Variants in DHX36 observed in about 807,000 individuals in gnomAD.
DHX36 encodes ATP-dependent DNA/RNA helicase DHX36.
DHX36 carries 50 observed loss-of-function variants against 139.0 expected under a neutral mutation model. The observed-to-expected ratio is 0.36, with a 90% CI of 0.29 to 0.46. The LOEUF (loss-of-function observed/expected upper bound fraction) is 0.46, where lower values mean the gene tolerates loss of function less well. DHX36 is among the 20% of genes least tolerant of loss of function. The pLI, the probability that DHX36 is intolerant of heterozygous loss-of-function variation, is 1.00. For synonymous variants in DHX36, 425 were observed against 401.9 expected (o/e 1.06, Z -0.69); for missense variants, 1,024 against 1,211.3 (o/e 0.85, Z 2.29).
chr3:154,315,295 T>A lies in DHX36; in HGVS notation c.369-15A>T. 1 of 1,587,920 alleles carries A rather than the reference T, an allele frequency of 6.3e-7. No homozygotes were observed. Among genetic ancestry groups the A allele is most frequent in the African/African-American group, 1.4e-5 (1 of 73,826 alleles). The stretch of plus-strand genomic sequence containing the variant: ...CAGTACCGTATCTGTTTTGACAAAA[T>A]AAGAAAGGAAGAAAGGTCAGATGAG... On this transcript the variant is annotated splice_polypyrimidine_tract_variant and intron_variant, in intron 2 of 24. Transcript: ENST00000496811.
At chr3:154,311,581 A>T (rs1202765813) in intron 4 of DHX36, 55 bp downstream of exon 4, 1 of 1,480,892 alleles carries the variant, frequency 6.8e-7, no homozygotes, top group Admixed American at 2.1e-5. Context: ...AGCTTTAAAA[A>T]AAATTGTGTA....
intron 4 of DHX36, among the ~76,000 whole-genome samples, 163 bp downstream of exon 4, chr3:154,311,472 CT>C (rs751757327): frequency 2.0e-4 from 31 of 151,664 alleles, no homozygotes; most frequent in Admixed American, 5.9e-4. Flanking sequence ...GTTTATGAAC[CT>C]TTTTTTTCTT....
At chr3:154,283,561 A>G (rs758372172) in intron 19 of DHX36, among the ~76,000 whole-genome samples, 3 of 152,130 alleles carry the variant, frequency 2.0e-5, no homozygotes, top group Non-Finnish European at 4.4e-5. Flanking sequence ...TACATAATAC[A>G]CTAATCAAAA....
chr3:154,276,712 A>C, intron 24 of DHX36, 35 bp downstream of exon 24: 1 of 1,601,784 alleles, frequency 6.2e-7, no homozygotes, highest in Non-Finnish European at 8.5e-7. Context: ...GCTGACTTAC[A>C]TGTAGATTTA....
At chr3:154,303,510 T>A in intron 8 of DHX36, 100 bp from the exon 9 acceptor site, 1 of 845,172 alleles carries the variant, frequency 1.2e-6, no homozygotes, top group Non-Finnish European at 1.8e-6. Context: ...TACTATTAAT[T>A]CCAGAAAATG....
At position 154,315,414 on chromosome 3, in the gene DHX36, C is replaced by T. The variant is rs571669222; in HGVS notation, c.369-134G>A. 3.4e-5 allele frequency: 19 copies of T among 563,298 alleles called. No homozygotes were observed. In the South Asian group the frequency reaches 5.4e-4, roughly 16 times the overall value. The allele number at this position is 563,298 out of a possible 1,614,324, so 34.9% of individuals were successfully genotyped here. On this transcript the variant is annotated intron_variant, in intron 2 of 24. Coordinates refer to ENST00000496811, the MANE Select transcript of DHX36 (RefSeq NM_020865.3). ...CCAAAGCTTTTCTTTTCTCTTAGTACAGTAATTATGAAAATATACTTAGAT... is the reference window on the plus strand; with the variant it reads ...CCAAAGCTTTTCTTTTCTCTTAGTATAGTAATTATGAAAATATACTTAGAT...
intron 14 of DHX36, 30 bp from the exon 15 acceptor site, chr3:154,292,724 AAAAC>A: frequency 6.4e-7 from 1 of 1,563,334 alleles, no homozygotes; most frequent in Non-Finnish European, 8.6e-7. Flanking sequence ...ATAAAATGTT[AAAAC>A]ACACACACAC....
intron 3 of DHX36, among the ~76,000 whole-genome samples, chr3:154,312,823 A>T (rs1712809579): frequency 7.5e-6 from 1 of 132,704 alleles, no homozygotes; most frequent in Non-Finnish European, 1.6e-5. Flanking sequence ...GCAAGACTCC[A>T]TCTCAAAAAA....
chr3:154,324,044 A>G, intron 1 of DHX36, 130 bp downstream of exon 1: 1 of 1,083,092 alleles, frequency 9.2e-7, no homozygotes, highest in South Asian at 1.6e-5. Flanking sequence ...AGCATAATAT[A>G]TTTGCGCCTC....
At chr3:154,280,397 G>A (rs1719294780) in intron 22 of DHX36, 182 bp downstream of exon 22, 1 of 556,728 alleles carries the variant, frequency 1.8e-6, no homozygotes, top group African/African-American at 1.9e-5. Context: ...TCCAGGATGT[G>A]TTGTGAGGGA....
chr3:154,280,711 T>C (rs947785930), intron 21 of DHX36, 42 bp from the exon 22 acceptor site: 11 of 1,604,460 alleles, frequency 6.9e-6, no homozygotes, highest in Non-Finnish European at 9.4e-6. Flanking sequence ...AAAAGTAAAA[T>C]ACTGATACAA....
At chr3:154,278,370 T>TA (rs1483440823) in intron 22 of DHX36, 2 of 152,150 alleles carry the variant, frequency 1.3e-5, no homozygotes, top group East Asian at 3.9e-4. Context: ...AGATGTTTAA[T>TA]AATTTATTTT....
At chr3:154,284,421 T>G (rs901646986) in intron 19 of DHX36, among the ~76,000 whole-genome samples, 162 bp downstream of exon 19, 1 of 151,836 alleles carries the variant, frequency 6.6e-6, no homozygotes, top group Non-Finnish European at 1.5e-5. Flanking sequence ...CTTCAGGTGA[T>G]ACACCTGCCT....
intron 15 of DHX36, among the ~76,000 whole-genome samples, 177 bp downstream of exon 15, chr3:154,292,374 T>C (rs890673277): frequency 1.3e-5 from 2 of 152,216 alleles, no homozygotes; most frequent in South Asian, 2.1e-4. Flanking sequence ...ACTTGGCAGA[T>C]ACTTTTCCAA....
intron 5 of DHX36, among the ~76,000 whole-genome samples, chr3:154,306,672 T>G (rs931911543): frequency 6.6e-6 from 1 of 152,188 alleles, no homozygotes; most frequent in African/African-American, 2.4e-5. Flanking sequence ...GTGTTTTTGT[T>G]TGTGGTAGGG....
intron 2 of DHX36, 137 bp from the exon 3 acceptor site, chr3:154,315,417 T>A: frequency 1.8e-6 from 1 of 549,890 alleles, no homozygotes. Flanking sequence ...CTTAGTACAG[T>A]AATTATGAAA....
chr3:154,316,971 G>T (rs979583125), intron 1 of DHX36, among the ~76,000 whole-genome samples: 2 of 152,092 alleles, frequency 1.3e-5, no homozygotes, highest in African/African-American at 4.8e-5. Flanking sequence ...CACACGCGGA[G>T]TGGTGAAAAT....
rs1712189417 is a variant in DHX36, at chr3:154,299,658, T to G, written c.1549+180A>C. 13 of 616,898 alleles carry G rather than the reference T, an allele frequency of 2.1e-5. 1 individual carries two copies. The South Asian group carries it at 2.3e-4, about 11-fold the overall frequency. The allele number at this position is 616,898 out of a possible 1,614,324, so 38.2% of individuals were successfully genotyped here. The stretch of plus-strand genomic sequence containing the variant: ...ACATACCTATGCTTTAAGAGCCAAT[T>G]TTATTAGGCAAATTGTGAAAAAGAA... On this transcript the variant is annotated intron_variant, in intron 12 of 24. Coordinates refer to ENST00000496811, the MANE Select transcript of DHX36 (RefSeq NM_020865.3).
At chr3:154,308,129 G>A (rs143449152) in intron 5 of DHX36, among the ~76,000 whole-genome samples, 4 of 152,202 alleles carry the variant, frequency 2.6e-5, no homozygotes, top group Non-Finnish European at 5.9e-5. Flanking sequence ...TGTATATGAT[G>A]TGGGTGATGG....
Sources: allele counts gnomAD v4.1 joint callset (sites outside exome capture counted in the v4.1 genomes callset), GRCh38; gene constraint gnomAD v4.1.1; transcripts MANE v1.5; gene names NCBI Gene and HGNC (gene_info 2026-07-23, HGNC 2026-07-21).